Variants in SVIL observed in about 807,000 individuals in gnomAD.
The protein encoded by SVIL is supervillin.
SVIL carries 101 observed loss-of-function variants against 240.4 expected under a neutral mutation model. The ratio of observed to expected loss-of-function variants is 0.42; its 90% CI spans 0.36 to 0.50. The LOEUF (loss-of-function observed/expected upper bound fraction) is 0.50. SVIL is among the 20% of genes least tolerant of loss of function. The pLI, the probability that SVIL is intolerant of heterozygous loss-of-function variation, is 0.01. For synonymous variants in SVIL, 999 were observed against 1,100.0 expected (o/e 0.91, Z 1.82); for missense variants, 2,512 against 2,818.7 (o/e 0.89, Z 2.46).
At chr10:29,577,684 C>T (rs1955763559) in intron 1 of SVIL, among the ~76,000 whole-genome samples, 1 of 152,104 alleles carries the variant, frequency 6.6e-6, no homozygotes, top group Non-Finnish European at 1.5e-5. Context: ...ACTTCTTTTC[C>T]TTTGGGTAGA....
chr10:29,541,338 A>G (rs1952139499), intron 6 of SVIL, among the ~76,000 whole-genome samples: 1 of 152,208 alleles, frequency 6.6e-6, no homozygotes, highest in African/African-American at 2.4e-5. Flanking sequence ...ACAGAGGCAC[A>G]AGGGATGATG....
chr10:29,617,514 G>A (rs1957470859), intron 1 of SVIL, among the ~76,000 whole-genome samples: 1 of 151,656 alleles, frequency 6.6e-6, no homozygotes, highest in African/African-American at 2.4e-5. Context: ...CCGGAAGGCA[G>A]AGGTTGCGGT....
At chr10:29,696,744 C>A (rs982726216) in intron 1 of SVIL, among the ~76,000 whole-genome samples, 1 of 148,280 alleles carries the variant, frequency 6.7e-6, no homozygotes, top group Non-Finnish European at 1.5e-5. Context: ...AGTGAGGAGC[C>A]CCTCCGCCTG....
At chr10:29,523,145 G>T (rs185584256) in intron 15 of SVIL, among the ~76,000 whole-genome samples, 23 of 152,190 alleles carry the variant, frequency 1.5e-4, no homozygotes, top group Middle Eastern at 3.4e-3. Context: ...CTGGACCTTT[G>T]GGGTCATCAA....
intron 1 of SVIL, among the ~76,000 whole-genome samples, chr10:29,695,885 C>T (rs1961919103): frequency 2.2e-5 from 1 of 45,502 alleles, no homozygotes; most frequent in African/African-American, 1.3e-4. Context: ...CCTCTCCCGT[C>T]TCCCTCTCCC....
intron 33 of SVIL, among the ~76,000 whole-genome samples, chr10:29,466,087 A>G (rs1944876216): frequency 6.6e-6 from 1 of 152,268 alleles, no homozygotes; most frequent in South Asian, 2.1e-4. Context: ...AATATCAATA[A>G]AATGTGCAAA....
At position 29,653,380 on chromosome 10, in the gene SVIL, G is replaced by C. The variant is rs1304841842; in HGVS notation, c.-201+4589C>G. ...CATTCACCTTCTGCCATGATTGTAA[G>C]TTTCCTGAGGCCTCTGCAACCATGC... On this transcript the variant is annotated intron_variant, in intron 3 of 35. Transcript: ENST00000375400. Among the ~76,000 whole-genome samples, 3 of 152,090 alleles carry C rather than the reference G, an allele frequency of 2.0e-5. No homozygotes were observed. The East Asian group carries it at 5.8e-4, about 29-fold the overall frequency.
chr10:29,582,673 G>C (rs1347608394), intron 1 of SVIL, among the ~76,000 whole-genome samples: 2 of 151,736 alleles, frequency 1.3e-5, no homozygotes, highest in Non-Finnish European at 2.9e-5. Context: ...TTGAGGCTGT[G>C]GTGAGCTTTG....
intron 16 of SVIL, among the ~76,000 whole-genome samples, chr10:29,517,728 C>T (rs1950310709): frequency 6.6e-6 from 1 of 152,188 alleles, no homozygotes; most frequent in African/African-American, 2.4e-5. Flanking sequence ...GGGAGTTCCA[C>T]TAAGTCCTTA....
intron 36 of SVIL, among the ~76,000 whole-genome samples, chr10:29,461,680 T>C (rs1388343066): frequency 1.3e-5 from 2 of 152,132 alleles, no homozygotes; most frequent in African/African-American, 2.4e-5. Flanking sequence ...TCCTGTGTGG[T>C]TGGAAAAGAA....
intron 1 of SVIL, among the ~76,000 whole-genome samples, chr10:29,599,446 C>T (rs910061761): frequency 1.3e-5 from 2 of 150,504 alleles, no homozygotes; most frequent in Admixed American, 6.6e-5. Flanking sequence ...GACAGAGTCT[C>T]GCTCTCTCGC....
At chr10:29,664,022 C>G (rs920534997) in intron 2 of SVIL, among the ~76,000 whole-genome samples, 1 of 152,172 alleles carries the variant, frequency 6.6e-6, no homozygotes, top group African/African-American at 2.4e-5. Flanking sequence ...GGACACGTTC[C>G]CCATTTGATG....
rs1564632663 is a variant in SVIL, at chr10:29,555,131, C to T, written c.-50-23G>A. 68 of 1,593,376 alleles carry T rather than the reference C, an allele frequency of 4.3e-5. No homozygotes were observed. In the South Asian group the frequency reaches 7.5e-4, roughly 18 times the overall value. Reference sequence around the variant, plus strand: ...CAACTGGAAGAAAACCAAAAAAGAACAAAATATAGTATTTAGTAGTCGTGC... The same window carrying T: ...CAACTGGAAGAAAACCAAAAAAGAATAAAATATAGTATTTAGTAGTCGTGC... On this transcript the variant is annotated intron_variant, in intron 3 of 37. Transcript: ENST00000355867.
intron 3 of SVIL, among the ~76,000 whole-genome samples, chr10:29,561,102 C>A (rs193214922): frequency 5.4e-5 from 8 of 148,630 alleles, no homozygotes; most frequent in African/African-American, 7.5e-5. Flanking sequence ...ATTACAGATG[C>A]GAGCCACCAT....
chr10:29,542,609 C>A (rs72802792), intron 6 of SVIL, among the ~76,000 whole-genome samples: 1 of 151,918 alleles, frequency 6.6e-6, no homozygotes, highest in African/African-American at 2.4e-5. Context: ...GCATGCAATG[C>A]GTAATAATCA....
rs145789816 is a variant in SVIL, at chr10:29,604,473, C to T, written c.-201+29947G>A. Among the ~76,000 whole-genome samples the T allele has an allele frequency of 4.0e-3, 606 of 150,034 alleles. 5 individuals are homozygous for T. The highest frequency in any genetic ancestry group is 0.014 in the African/African-American group (563 of 40,882). On this transcript the variant is annotated intron_variant, in intron 1 of 37. Transcript: ENST00000355867. ...CTGGACTCAAGTGACCTGCCCACCT[C>T]GGCCTTCCCAAAGTGTTGGGATTAC...
intron 2 of SVIL, among the ~76,000 whole-genome samples, chr10:29,666,435 T>A (rs1158685643): frequency 6.6e-6 from 1 of 152,238 alleles, no homozygotes; most frequent in African/African-American, 2.4e-5. Flanking sequence ...AACATAGTTT[T>A]ATATCCCACA....
intron 1 of SVIL, among the ~76,000 whole-genome samples, chr10:29,590,268 C>A (rs1174783188): frequency 6.6e-6 from 1 of 151,728 alleles, no homozygotes; most frequent in East Asian, 1.9e-4. Flanking sequence ...ACCAGACCTC[C>A]TGTCCCGTGG....
chr10:29,574,082 C>T (rs549652103), intron 1 of SVIL, among the ~76,000 whole-genome samples: 1 of 152,298 alleles, frequency 6.6e-6, no homozygotes, highest in East Asian at 1.9e-4. Flanking sequence ...CACACAGCCA[C>T]CAGCTCAGCA....
Sources: allele counts gnomAD v4.1 joint callset (sites outside exome capture counted in the v4.1 genomes callset), GRCh38; gene constraint gnomAD v4.1.1; transcripts MANE v1.5; gene names NCBI Gene and HGNC (gene_info 2026-07-23, HGNC 2026-07-21).